Variants in ATRNL1 observed in about 807,000 individuals in gnomAD.
ATRNL1 encodes attractin like 1, also known as attractin-like protein 1.
A neutral mutation model predicts 182.7 loss-of-function variants in ATRNL1; 95 were observed. That is an observed-to-expected ratio of 0.52 (90% CI 0.44 to 0.62). ATRNL1 has a LOEUF of 0.62. Ranked by LOEUF, ATRNL1 falls within the 20% of genes least tolerant of loss-of-function variation. The pLI, the probability that ATRNL1 is intolerant of heterozygous loss-of-function variation, is 0.00. For synonymous variants in ATRNL1, 576 were observed against 568.3 expected, an observed-to-expected ratio of 1.01 and a Z score of -0.19; for missense variants, 1,471 against 1,679.5, an observed-to-expected ratio of 0.88 and a Z score of 2.17.
At chr10:115,464,842 T>TAA (rs57074253) in intron 22 of ATRNL1, among the ~76,000 whole-genome samples, 6 of 151,492 alleles carry the variant, frequency 4.0e-5, no homozygotes, top group African/African-American at 1.5e-4. Flanking sequence ...TCATTAATAG[T>TAA]AAAAAAATCC....
At chr10:115,510,316 C>T (rs909991833) in intron 24 of ATRNL1, among the ~76,000 whole-genome samples, 3 of 152,058 alleles carry the variant, frequency 2.0e-5, no homozygotes, top group African/African-American at 4.8e-5. Context: ...TATGAAACAG[C>T]ATTGCATGCT....
chr10:115,541,917 G>T (rs1241240376), intron 25 of ATRNL1, among the ~76,000 whole-genome samples: 1 of 152,018 alleles, frequency 6.6e-6, no homozygotes, highest in Non-Finnish European at 1.5e-5. Context: ...TATACTTAGG[G>T]TTTCTCTATT....
intron 26 of ATRNL1, among the ~76,000 whole-genome samples, chr10:115,598,425 G>A (rs1046722046): frequency 3.3e-5 from 5 of 149,902 alleles, no homozygotes; most frequent in Admixed American, 2.0e-4. Context: ...GTGCAGAGGC[G>A]TGATCTCGGC....
At chr10:115,819,654 T>A (rs961155) in intron 27 of ATRNL1, among the ~76,000 whole-genome samples, 70,951 of 151,808 alleles carry the variant, frequency 0.47, 18,230 homozygotes, top group East Asian at 0.76. Context: ...ACTGTTTCTA[T>A]CTCTGTCCCT....
intron 28 of ATRNL1, among the ~76,000 whole-genome samples, chr10:115,936,812 T>C (rs930818739): frequency 1.3e-5 from 2 of 152,044 alleles, no homozygotes; most frequent in African/African-American, 4.8e-5. Context: ...TTGTTGGGGG[T>C]TTTTTTAATT....
chr10:115,563,818 T>C (rs1160897765), intron 26 of ATRNL1, among the ~76,000 whole-genome samples: 2 of 152,104 alleles, frequency 1.3e-5, no homozygotes, highest in East Asian at 3.9e-4. Flanking sequence ...AGGTAATATA[T>C]TGAATGACAG....
intron 8 of ATRNL1, among the ~76,000 whole-genome samples, chr10:115,199,649 TA>T (rs1433735344): frequency 6.6e-6 from 1 of 151,878 alleles, no homozygotes; most frequent in East Asian, 1.9e-4. Flanking sequence ...GTAGATAATG[TA>T]GGGTTGGGAT....
At chr10:115,739,180 A>G (rs932473652) in intron 27 of ATRNL1, among the ~76,000 whole-genome samples, 1 of 152,192 alleles carries the variant, frequency 6.6e-6, no homozygotes, top group Non-Finnish European at 1.5e-5. Context: ...TTGGATGTAC[A>G]AAAGGCTTAT....
chr10:115,637,695 GC>G (rs2133848338), intron 26 of ATRNL1, among the ~76,000 whole-genome samples: 1 of 150,686 alleles, frequency 6.6e-6, no homozygotes, highest in East Asian at 2.0e-4. Context: ...TGCAATCTTG[GC>G]TCACTGCAAC....
rs539283408 is a variant in ATRNL1, at chr10:115,409,098, A to G, written c.3269+14346A>G. Among the ~76,000 whole-genome samples the G allele has an allele frequency of 3.9e-5, 6 of 151,964 alleles. No homozygotes were observed. In the East Asian group the frequency reaches 1.2e-3, roughly 29 times the overall value. On this transcript the variant is annotated intron_variant, in intron 20 of 28. Coordinates refer to ENST00000355044, the MANE Select transcript of ATRNL1 (RefSeq NM_207303.4). ...AAATTTTATTTTATTACTTTTTTCTATTTCTGTGAACAATGTCATTGGTAG... is the reference window on the plus strand; with the variant it reads ...AAATTTTATTTTATTACTTTTTTCTGTTTCTGTGAACAATGTCATTGGTAG...
intron 28 of ATRNL1, among the ~76,000 whole-genome samples, chr10:115,941,794 A>T (rs782277365): frequency 1.1e-4 from 16 of 152,236 alleles, no homozygotes; most frequent in Non-Finnish European, 1.9e-4. Flanking sequence ...CTGCAATTTT[A>T]AAAATAATAA....
At chr10:115,335,156 A>G (rs1234132991) in intron 19 of ATRNL1, among the ~76,000 whole-genome samples, 2 of 152,086 alleles carry the variant, frequency 1.3e-5, no homozygotes, top group Admixed American at 6.6e-5. Flanking sequence ...TGTAAATAAT[A>G]TTTGTTCTTT....
At chr10:115,247,785 G>T (rs1554904443) in intron 10 of ATRNL1, among the ~76,000 whole-genome samples, 1 of 152,040 alleles carries the variant, frequency 6.6e-6, no homozygotes, top group Non-Finnish European at 1.5e-5. Flanking sequence ...TTCCAACAAG[G>T]GATGAATGAA....
intron 9 of ATRNL1, among the ~76,000 whole-genome samples, chr10:115,231,243 T>C (rs1849938793): frequency 6.6e-6 from 1 of 152,140 alleles, no homozygotes; most frequent in Non-Finnish European, 1.5e-5. Flanking sequence ...TATGGTATTC[T>C]AGAAGCCAAG....
chr10:115,901,464 C>G (rs544175388), intron 28 of ATRNL1, among the ~76,000 whole-genome samples: 4 of 152,030 alleles, frequency 2.6e-5, no homozygotes, highest in Admixed American at 6.5e-5. Context: ...AACTTGGAGG[C>G]GTTGACAAAC....
At chr10:115,561,790 A>T (rs1421744315) in intron 26 of ATRNL1, among the ~76,000 whole-genome samples, 1 of 151,692 alleles carries the variant, frequency 6.6e-6, no homozygotes, top group Non-Finnish European at 1.5e-5. Context: ...CAGAAATAGA[A>T]ATCAAACCTA....
intron 21 of ATRNL1, among the ~76,000 whole-genome samples, chr10:115,459,907 C>T (rs1234104886): frequency 6.6e-6 from 1 of 152,142 alleles, no homozygotes; most frequent in Non-Finnish European, 1.5e-5. Flanking sequence ...TCAAGCCAGC[C>T]GACGCTTAGG....
At chr10:115,364,417 G>A (rs11528280) in intron 19 of ATRNL1, among the ~76,000 whole-genome samples, 31,837 of 143,698 alleles carry the variant, frequency 0.22, 4,354 homozygotes, top group Non-Finnish European at 0.32. Context: ...AGGAGATTTT[G>A]GGCTGAGACA....
At chr10:115,788,500 T>A (rs565999727) in intron 27 of ATRNL1, among the ~76,000 whole-genome samples, 196 of 152,330 alleles carry the variant, frequency 1.3e-3, no homozygotes, top group African/African-American at 4.6e-3. Context: ...AAGTAACTGT[T>A]CTCTCAAATG....
Sources: allele counts gnomAD v4.1 joint callset (sites outside exome capture counted in the v4.1 genomes callset), GRCh38; gene constraint gnomAD v4.1.1; transcripts MANE v1.5; gene names NCBI Gene and HGNC (gene_info 2026-07-23, HGNC 2026-07-21).